Variants in KCNH1 observed in about 807,000 individuals in gnomAD.
KCNH1 encodes the protein voltage-gated delayed rectifier potassium channel KCNH1.
Under a neutral mutation model 69.2 loss-of-function variants are expected in KCNH1, and 27 were observed. The observed-to-expected ratio is 0.39, with a 90% CI of 0.29 to 0.54. The LOEUF is 0.54. Among genes scored for constraint, KCNH1 ranks in the 20% least tolerant of loss-of-function variants. The pLI is 0.68. For synonymous variants in KCNH1, 456 were observed against 487.7 expected, an observed-to-expected ratio of 0.93 and a Z score of 0.86; for missense variants, 798 against 1,261.6, an observed-to-expected ratio of 0.63 and a Z score of 5.57.
At chr1:211,121,878 G>A (rs550822688) in intron 1 of KCNH1, among the ~76,000 whole-genome samples, 4 of 152,304 alleles carry the variant, frequency 2.6e-5, no homozygotes, top group Admixed American at 2.0e-4. Flanking sequence ...GCTCACGCCT[G>A]TAATCCCAGC....
intron 8 of KCNH1, 41 bp downstream of exon 8, chr1:210,803,926 C>A (rs762893890): frequency 2.5e-6 from 4 of 1,585,502 alleles, no homozygotes; most frequent in Non-Finnish European, 3.4e-6. Flanking sequence ...CTAGGGAAAC[C>A]AAAAGACAAA....
intron 10 of KCNH1, among the ~76,000 whole-genome samples, chr1:210,718,339 T>C (rs7531644): frequency 7.8e-4 from 9 of 11,476 alleles, no homozygotes; most frequent in Admixed American, 9.8e-4. Flanking sequence ...TAAATATATG[T>C]ATATATGTAT....
In KCNH1 at chr1:211,133,863, T is replaced by TTACC. The variant is rs777147129; in HGVS notation, c.79_79+3dup. On this transcript the variant is annotated splice_donor_region_variant and intron_variant, in intron 1 of 10. Transcript: ENST00000271751. The surrounding 1 kb of genome is among the most constrained non-coding windows in gnomAD (Gnocchi z 5.4). ...GGTAATCGAAATCCGAATGCACCTC[T>TTACC]TACCATTGGACCGCCGAACAATATT... 5.1e-4 allele frequency: 816 copies of TTACC among 1,608,428 alleles called. 4 individuals carry two copies. The highest frequency in any genetic ancestry group is 5.0e-4 in the Middle Eastern group (3 of 6,046).
chr1:211,083,469 C>T (rs1690893397), intron 4 of KCNH1, among the ~76,000 whole-genome samples: 1 of 152,194 alleles, frequency 6.6e-6, no homozygotes, highest in African/African-American at 2.4e-5. Context: ...TTTTAGTCTG[C>T]TTTAGGATGG....
At position 211,047,773 on chromosome 1, in the gene KCNH1, C is replaced by T. The variant is rs374235565; in HGVS notation, c.559-28517G>A. Among the ~76,000 whole-genome samples, 4 of 152,050 alleles carry T rather than the reference C, an allele frequency of 2.6e-5. No homozygotes were observed. In the East Asian group the frequency reaches 7.7e-4, roughly 29 times the overall value. On this transcript the variant is annotated intron_variant, in intron 5 of 10. Coordinates refer to ENST00000271751, the MANE Select transcript of KCNH1 (RefSeq NM_172362.3). ...TAATTAGCAGGGTAAAAACAGACAA[C>T]CCACAGAGTGGGAGAAAATATTCTC...
intron 6 of KCNH1, among the ~76,000 whole-genome samples, chr1:210,940,627 A>T (rs1687860304): frequency 6.6e-6 from 1 of 152,222 alleles, no homozygotes; most frequent in Admixed American, 6.5e-5. Flanking sequence ...TTCTGTTTAT[A>T]ATTCAAACCA....
chr1:210,863,387 C>G (rs541665727), intron 7 of KCNH1, among the ~76,000 whole-genome samples: 2 of 152,334 alleles, frequency 1.3e-5, no homozygotes, highest in Non-Finnish European at 2.9e-5. Flanking sequence ...ACATTACTAG[C>G]TCTTGAGTAC....
At chr1:210,735,463 T>A (rs1192341204) in intron 10 of KCNH1, among the ~76,000 whole-genome samples, 5 of 125,774 alleles carry the variant, frequency 4.0e-5, no homozygotes, top group African/African-American at 1.2e-4. Flanking sequence ...TGTGTGTGTG[T>A]GTGATGCTGG....
rs1385740043 is a variant in KCNH1, at chr1:210,701,031, G to A, written c.2113-16893C>T. On this transcript the variant is annotated intron_variant, in intron 10 of 10. Transcript: ENST00000271751. ...CGGCTCACTGCAAGCTCCACCTCCC[G>A]GGTTCACGCCACTCTCCTGCCTCAG... is the stretch of plus-strand genomic sequence containing the variant. Among the ~76,000 whole-genome samples the A allele has an allele frequency of 5.9e-5, 9 of 152,054 alleles. No homozygotes were observed. The East Asian group carries it at 9.6e-4, about 16-fold the overall frequency.
chr1:210,762,194 A>G (rs1225002393), intron 10 of KCNH1, among the ~76,000 whole-genome samples: 1 of 152,144 alleles, frequency 6.6e-6, no homozygotes, highest in Middle Eastern at 3.2e-3. Flanking sequence ...AAATAGAGAC[A>G]TGACATACTA....
chr1:210,804,682 T>G (rs1338900902), intron 7 of KCNH1, among the ~76,000 whole-genome samples: 1 of 152,140 alleles, frequency 6.6e-6, no homozygotes, highest in Non-Finnish European at 1.5e-5. Context: ...CAGTCAGACC[T>G]GGTCCTCACA....
intron 6 of KCNH1, among the ~76,000 whole-genome samples, chr1:211,007,229 C>T (rs1026387131): frequency 1.3e-5 from 2 of 152,048 alleles, no homozygotes; most frequent in African/African-American, 4.8e-5. Context: ...TTATAGACTC[C>T]AGAGCTAAAT....
chr1:210,920,049 G>C lies in KCNH1; in HGVS notation c.1053C>G (p.Ser351Arg). ...RESQGISSLF[S>R]SLKVVRLLRL... is the part of the protein sequence containing the mutation. ...GGAGCAGCCGGACAACTTTTAGAGAGCTGAACAGGCTGCTGATGCCCTGGG... is the reference window on the plus strand; with the variant it reads ...GGAGCAGCCGGACAACTTTTAGAGACCTGAACAGGCTGCTGATGCCCTGGG... The change falls in exon 7 of 11, where the codon AGC (serine) becomes AGG (arginine). Residue 351 changes from serine (S) to arginine (R), a missense_variant. By Grantham distance (110) the Ser-to-Arg change is moderately radical. Coordinates refer to ENST00000271751, the MANE Select transcript of KCNH1 (RefSeq NM_172362.3). 1 of 1,613,032 alleles carries C rather than the reference G, an allele frequency of 6.2e-7. No individual in the cohort carries two copies. Among genetic ancestry groups the C allele is most frequent in the Non-Finnish European group, 8.5e-7 (1 of 1,179,240 alleles).
chr1:211,087,465 A>G (rs11804993), intron 4 of KCNH1, among the ~76,000 whole-genome samples: 1,766 of 152,246 alleles, frequency 0.012, 46 homozygotes, highest in African/African-American at 0.04. Context: ...AGAACGCAAC[A>G]GAAACATATC....
At chr1:210,854,463 C>T (rs548188716) in intron 7 of KCNH1, among the ~76,000 whole-genome samples, 20 of 152,294 alleles carry the variant, frequency 1.3e-4, no homozygotes, top group African/African-American at 4.3e-4. Flanking sequence ...CACGGCCTCC[C>T]AAAACCTGGA....
intron 6 of KCNH1, among the ~76,000 whole-genome samples, chr1:210,977,744 C>A (rs2102374164): frequency 6.6e-6 from 1 of 152,202 alleles, no homozygotes; most frequent in Admixed American, 6.5e-5. Flanking sequence ...TCCTACCAAC[C>A]TGAAAAAATG....
chr1:210,905,663 A>T (rs553019945), intron 7 of KCNH1, among the ~76,000 whole-genome samples: 72 of 152,108 alleles, frequency 4.7e-4, no homozygotes, highest in African/African-American at 1.7e-3. Flanking sequence ...GGGAAAAAAA[A>T]AATCGTAAAA....
At chr1:210,977,188 G>C (rs917295283) in intron 6 of KCNH1, among the ~76,000 whole-genome samples, 1 of 152,066 alleles carries the variant, frequency 6.6e-6, no homozygotes, top group Non-Finnish European at 1.5e-5. Flanking sequence ...GCAAACTATT[G>C]CAAGGACAAA....
intron 10 of KCNH1, among the ~76,000 whole-genome samples, chr1:210,691,329 T>G (rs899365122): frequency 6.6e-6 from 1 of 152,196 alleles, no homozygotes; most frequent in African/African-American, 2.4e-5. Context: ...GAGCTGACAC[T>G]GATGGAGAGC....
Sources: allele counts gnomAD v4.1 joint callset (sites outside exome capture counted in the v4.1 genomes callset), GRCh38; gene constraint gnomAD v4.1.1; non-coding constraint Gnocchi (gnomAD v3.1); transcripts MANE v1.5; gene names NCBI Gene and HGNC (gene_info 2026-07-23, HGNC 2026-07-21).